The following ABLIM1 variants were observed in gnomAD, a reference collection of about 807,000 sequenced individuals.
ABLIM1 encodes actin binding LIM protein 1, also known as actin-binding LIM protein 1.
Under a neutral mutation model 107.0 loss-of-function variants are expected in ABLIM1, and 40 were observed. That is an observed-to-expected ratio of 0.37 (90% CI 0.29 to 0.49). The LOEUF is 0.49. ABLIM1 is among the 20% of genes least tolerant of loss of function. The pLI, the probability that ABLIM1 is intolerant of heterozygous loss-of-function variation, is 0.97. For synonymous variants in ABLIM1, 357 were observed against 357.3 expected, an observed-to-expected ratio of 1.00 and a Z score of 0.01; for missense variants, 857 against 1,008.5, an observed-to-expected ratio of 0.85 and a Z score of 2.04.
At chr10:114,800,148 T>G in the ABLIM1 span, among the ~76,000 whole-genome samples, 1 of 152,282 alleles carries the variant, frequency 6.6e-6, no homozygotes, top group East Asian at 1.9e-4. Flanking sequence ...CTAGTTTCAC[T>G]CAAAATAATA....
At chr10:114,736,047 G>T (rs2082172279) in intron 1 of ABLIM1, among the ~76,000 whole-genome samples, 1 of 152,128 alleles carries the variant, frequency 6.6e-6, no homozygotes, top group African/African-American at 2.4e-5. Context: ...ATCTAAATAT[G>T]CTGGCAAGGC....
At chr10:114,450,723 T>C (rs909312121) in intron 14 of ABLIM1, among the ~76,000 whole-genome samples, 1 of 152,244 alleles carries the variant, frequency 6.6e-6, no homozygotes, top group Admixed American at 6.5e-5. Context: ...ATTACAGGTG[T>C]GAGCCACTGC....
intron 1 of ABLIM1, among the ~76,000 whole-genome samples, chr10:114,698,179 A>G (rs1566250345): frequency 2.0e-5 from 3 of 152,274 alleles, no homozygotes; most frequent in East Asian, 1.9e-4. Context: ...ACAGAAGAAA[A>G]GAACTAAATA....
intron 1 of ABLIM1, among the ~76,000 whole-genome samples, chr10:114,610,440 T>C (rs941481594): frequency 6.6e-6 from 1 of 152,190 alleles, no homozygotes; most frequent in Non-Finnish European, 1.5e-5. Flanking sequence ...GACTGCTTCA[T>C]TACCTAGAAT....
intron 6 of ABLIM1, among the ~76,000 whole-genome samples, chr10:114,516,669 T>A (rs1243162484): frequency 2.0e-5 from 3 of 152,214 alleles, no homozygotes; most frequent in Non-Finnish European, 4.4e-5. Context: ...AACTTTCTCC[T>A]GAGAAATAAA....
At chr10:114,486,917 T>A (rs2058277970) in intron 8 of ABLIM1, among the ~76,000 whole-genome samples, 1 of 152,160 alleles carries the variant, frequency 6.6e-6, no homozygotes, top group Admixed American at 6.6e-5. Context: ...GTGTGGTTCA[T>A]TCAGAGAATA....
At chr10:114,587,072 C>A (rs2074275939) in intron 2 of ABLIM1, among the ~76,000 whole-genome samples, 1 of 152,192 alleles carries the variant, frequency 6.6e-6, no homozygotes, top group Admixed American at 6.5e-5. Context: ...AACATCTTAG[C>A]CTAAAATGGC....
chr10:114,794,121 C>T, the ABLIM1 span, among the ~76,000 whole-genome samples: 1 of 152,206 alleles, frequency 6.6e-6, no homozygotes, highest in South Asian at 2.1e-4. Flanking sequence ...CTGGATGTGT[C>T]TGGACCTACT....
the ABLIM1 span, among the ~76,000 whole-genome samples, chr10:114,791,307 G>A: frequency 2.0e-5 from 3 of 152,200 alleles, no homozygotes; most frequent in Non-Finnish European, 2.9e-5. Flanking sequence ...CAGGCTCATC[G>A]TCTGCTTTTA....
intron 1 of ABLIM1, among the ~76,000 whole-genome samples, chr10:114,728,519 A>AC (rs1450062750): frequency 2.5e-4 from 37 of 148,022 alleles, no homozygotes; most frequent in African/African-American, 9.4e-4. Flanking sequence ...AAGGCAGTAA[A>AC]AAAAAAAAAA....
chr10:114,541,152 T>C (rs1451284950), intron 6 of ABLIM1, among the ~76,000 whole-genome samples: 2 of 152,048 alleles, frequency 1.3e-5, no homozygotes, highest in Non-Finnish European at 2.9e-5. Context: ...CATCGGAAAC[T>C]GGGAGAGGCG....
intron 1 of ABLIM1, among the ~76,000 whole-genome samples, chr10:114,626,767 T>C (rs1350354347): frequency 6.6e-6 from 1 of 152,184 alleles, no homozygotes; most frequent in South Asian, 2.1e-4. Flanking sequence ...ATAGGGTCTT[T>C]ACAGTGGTGA....
chr10:114,631,159 A>T (rs1257627827), intron 1 of ABLIM1, among the ~76,000 whole-genome samples: 1 of 152,192 alleles, frequency 6.6e-6, no homozygotes, highest in Non-Finnish European at 1.5e-5. Flanking sequence ...CAAAACAAGC[A>T]CTGTGGTGTT....
intron 1 of ABLIM1, among the ~76,000 whole-genome samples, chr10:114,654,831 A>T (rs911898283): frequency 6.6e-6 from 1 of 152,230 alleles, no homozygotes; most frequent in African/African-American, 2.4e-5. Context: ...GGGGTTGGCC[A>T]GATGCCCCAA....
upstream of ABLIM1, among the ~76,000 whole-genome samples, chr10:114,769,050 A>G (rs1053292594): frequency 6.6e-6 from 1 of 150,780 alleles, no homozygotes; most frequent in East Asian, 2.0e-4. Flanking sequence ...CAGATGTTCT[A>G]TGGCCGGGTG....
intron 2 of ABLIM1, 116 bp from the exon 3 acceptor site, chr10:114,575,715 G>T: frequency 9.0e-7 from 1 of 1,105,896 alleles, no homozygotes; most frequent in South Asian, 1.6e-5. Context: ...TGGGGCTAGG[G>T]AGGGGATGGC....
Position 114,451,716 on chromosome 10 carries a change from C to T in ABLIM1, c.1547-45G>A, listed in dbSNP as rs532823544. ...AGGTGTGTGATTATGGGAACCAGTT[C>T]AGCGATGGGAAAAACAGATCAACCA... On this transcript the variant is annotated intron_variant, in intron 13 of 22. Transcript: ENST00000533213. The T allele has an allele frequency of 2.6e-6, 4 of 1,521,152 alleles. No homozygotes were observed. The Admixed American group carries it at 5.5e-5, about 21-fold the overall frequency. 94.2% of individuals were successfully genotyped at this position (1,521,152 alleles called of 1,614,324 possible).
intron 1 of ABLIM1, among the ~76,000 whole-genome samples, chr10:114,695,676 A>G (rs2081179946): frequency 6.6e-6 from 1 of 152,200 alleles, no homozygotes; most frequent in South Asian, 2.1e-4. Flanking sequence ...CAACTTTTTC[A>G]AATTAAAGAA....
intron 1 of ABLIM1, among the ~76,000 whole-genome samples, chr10:114,737,232 G>A (rs1393100637): frequency 3.3e-5 from 5 of 152,142 alleles, no homozygotes; most frequent in Admixed American, 1.3e-4. Context: ...GCTGAGACAC[G>A]AGAATCTCTT....
Sources: allele counts gnomAD v4.1 joint callset (sites outside exome capture counted in the v4.1 genomes callset), GRCh38; gene constraint gnomAD v4.1.1; transcripts MANE v1.5; gene names NCBI Gene and HGNC (gene_info 2026-07-23, HGNC 2026-07-21).